Variants in CRYBG3 observed in about 807,000 individuals in gnomAD.
CRYBG3 encodes the protein crystallin beta-gamma domain containing 3, also known as very large A-kinase anchor protein.
Under a neutral mutation model 244.2 loss-of-function variants are expected in CRYBG3, and 127 were observed. The observed-to-expected ratio is 0.52, with a 90% CI of 0.45 to 0.60. The LOEUF is 0.60. Ranked by LOEUF, CRYBG3 falls within the 20% of genes least tolerant of loss-of-function variation. CRYBG3 has a pLI of 0.00. For synonymous variants in CRYBG3, 1,132 were observed against 1,195.8 expected, an observed-to-expected ratio of 0.95 and a Z score of 1.10; for missense variants, 3,325 against 3,442.5, an observed-to-expected ratio of 0.97 and a Z score of 0.85.
intron 2 of CRYBG3, among the ~76,000 whole-genome samples, chr3:97,858,413 T>C (rs1465620397): frequency 6.6e-6 from 1 of 152,074 alleles, no homozygotes; most frequent in East Asian, 1.9e-4. Flanking sequence ...GCTTCCTGGA[T>C]CTAGATGTCT....
intron 1 of CRYBG3, among the ~76,000 whole-genome samples, chr3:97,827,329 A>G (rs2038591591): frequency 6.6e-6 from 1 of 152,052 alleles, no homozygotes; most frequent in South Asian, 2.1e-4. Context: ...TAGGGGTGGT[A>G]CCCTCCCCAA....
Position 97,864,272 on chromosome 3 carries a change from T to C in CRYBG3, c.272T>C (p.Val91Ala). ...GCTGAGAAGCCAGTCACTCTTCCAG[T>C]GCAGGAAGATCCCAAAAAGGCATAT... ...NHAEKPVTLP[V>A]QEDPKKAYDL... The change falls in exon 3 of 22, where the codon GTG becomes GCG. Residue 91 changes from valine (V) to alanine (A), a missense_variant. Val to Ala is a moderately conservative substitution (Grantham distance 64). Coordinates refer to ENST00000389622, the MANE Select transcript of CRYBG3 (RefSeq NM_153605.4). 6.5e-7 allele frequency: 1 copy of C among 1,534,496 alleles called. No individual in the cohort carries two copies. Among genetic ancestry groups the C allele is most frequent in the Non-Finnish European group, 8.7e-7 (1 of 1,146,238 alleles).
In CRYBG3 at chr3:97,941,907, G is replaced by A. The variant is rs937026411; in HGVS notation, c.8665-377G>A. On this transcript the variant is annotated intron_variant, in intron 20 of 21. Transcript: ENST00000389622. Reference sequence around the variant, plus strand: ...TGAAAAACTTTTAAAAGTAATTATTGTCTGGATATCTTTAGCCCATCATGC... The same window carrying A: ...TGAAAAACTTTTAAAAGTAATTATTATCTGGATATCTTTAGCCCATCATGC... 7.4e-4 allele frequency: 117 copies of A among 158,138 alleles called. 3 individuals are homozygous for A. The highest frequency in any genetic ancestry group is 1.9e-4 in the Non-Finnish European group (14 of 72,530). 9.8% of individuals were successfully genotyped at this position (158,138 alleles called of 1,614,324 possible).
In CRYBG3 at chr3:97,875,949, T is replaced by C; in HGVS notation, c.4755T>C (p.Thr1585=). The C allele has an allele frequency of 8.1e-7, 1 of 1,232,042 alleles. No homozygotes were observed. The highest frequency in any genetic ancestry group is 1.5e-5 in the African/African-American group (1 of 64,524). 76.3% of individuals were successfully genotyped at this position (1,232,042 alleles called of 1,614,324 possible). ...ATGCTGAATTGAATGTCACGAAAAC[T>C]GAGCCAAAAGCTAATGTTTTTAAAA... ...KMDAELNVTK[T]EPKANVFKMG... Residue 1585 remains threonine, a synonymous_variant, in exon 4 of 22, where the codon ACT becomes ACC. Coordinates refer to ENST00000389622, the MANE Select transcript of CRYBG3 (RefSeq NM_153605.4).
chr3:97,880,566 A>G (rs573263115), intron 6 of CRYBG3, among the ~76,000 whole-genome samples: 1 of 152,326 alleles, frequency 6.6e-6, no homozygotes, highest in South Asian at 2.1e-4. Flanking sequence ...TCTATTTATT[A>G]TGGACCATGA....
chr3:97,830,763 T>G (rs1442976113), intron 1 of CRYBG3, among the ~76,000 whole-genome samples: 1 of 152,004 alleles, frequency 6.6e-6, no homozygotes, highest in Non-Finnish European at 1.5e-5. Flanking sequence ...CAGTGTAGAC[T>G]CTACAAATGC....
intron 3 of CRYBG3, among the ~76,000 whole-genome samples, chr3:97,871,096 C>G (rs2039296774): frequency 6.6e-6 from 1 of 152,132 alleles, no homozygotes; most frequent in African/African-American, 2.4e-5. Flanking sequence ...GATGTGAGAA[C>G]TCGTAGTGGT....
intron 10 of CRYBG3, among the ~76,000 whole-genome samples, chr3:97,891,087 A>G (rs1272481226): frequency 6.6e-6 from 1 of 152,154 alleles, no homozygotes; most frequent in Non-Finnish European, 1.5e-5. Flanking sequence ...AATGAATAGT[A>G]GGCCATAGAA....
chr3:97,933,546 G>A (rs760078138), intron 17 of CRYBG3, 148 bp from the exon 18 acceptor site: 3 of 801,554 alleles, frequency 3.7e-6, no homozygotes, highest in South Asian at 2.9e-5. Flanking sequence ...TCTTTCCAGT[G>A]CAGTTTTGAC....
In CRYBG3 at chr3:97,881,081, A is replaced by G. The variant is rs752282485; in HGVS notation, c.7014A>G (p.Leu2338=). The change falls in exon 7 of 22, where the codon TTA becomes TTG. Residue 2338 remains leucine, a synonymous_variant. Coordinates refer to ENST00000389622, the MANE Select transcript of CRYBG3 (RefSeq NM_153605.4). ...LIKVVRGCWI[L]YEKPHFRGQK... Reference sequence around the variant, plus strand: ...ATTTCTCTTTGTTTAGCTGGATTTTATATGAGAAACCACATTTCCGAGGTC... The same window carrying G: ...ATTTCTCTTTGTTTAGCTGGATTTTGTATGAGAAACCACATTTCCGAGGTC... 4 of 1,590,262 alleles carry G rather than the reference A, an allele frequency of 2.5e-6. No individual in the cohort carries two copies. Among genetic ancestry groups the G allele is most frequent in the East Asian group, 2.2e-5 (1 of 44,464 alleles).
At chr3:97,829,310 T>C (rs2038622413) in intron 1 of CRYBG3, among the ~76,000 whole-genome samples, 1 of 152,188 alleles carries the variant, frequency 6.6e-6, no homozygotes. Flanking sequence ...AGTGAGACTT[T>C]TCTATATTAT....
intron 3 of CRYBG3, among the ~76,000 whole-genome samples, chr3:97,865,034 A>C (rs2039208152): frequency 6.6e-6 from 1 of 152,162 alleles, no homozygotes. Flanking sequence ...TAAAGCCATT[A>C]AGAAAAGCAA....
intron 17 of CRYBG3, among the ~76,000 whole-genome samples, chr3:97,928,112 C>A (rs182670517): frequency 2.1e-3 from 324 of 152,026 alleles, no homozygotes; most frequent in Non-Finnish European, 3.8e-3. Flanking sequence ...ATATTCAGGG[C>A]AGCACTATTC....
At chr3:97,939,402 GT>G (rs138017958) in intron 19 of CRYBG3, among the ~76,000 whole-genome samples, 5,211 of 152,118 alleles carry the variant, frequency 0.034, 279 homozygotes, top group African/African-American at 0.12. Context: ...TGGTAAGGCT[GT>G]TGGTACTGCT....
intron 18 of CRYBG3, among the ~76,000 whole-genome samples, chr3:97,934,796 A>G: frequency 6.6e-6 from 1 of 152,128 alleles, no homozygotes; most frequent in East Asian, 1.9e-4. Context: ...ATTCCAATAT[A>G]TTATTTACCA....
At chr3:97,864,931 C>G (rs1403496044) in intron 3 of CRYBG3, among the ~76,000 whole-genome samples, 1 of 152,072 alleles carries the variant, frequency 6.6e-6, no homozygotes, top group Non-Finnish European at 1.5e-5. Flanking sequence ...TGTGTCAGGA[C>G]AGGCAATGTA....
At position 97,877,617 on chromosome 3, in the gene CRYBG3, T is replaced by C; in HGVS notation, c.6423T>C (p.Asp2141=). The change falls in exon 4 of 22, where the codon GAT becomes GAC. Residue 2141 remains aspartate (D), a synonymous_variant. Transcript: ENST00000389622. ...SERLKMNFDE[D]DREAADEEEE... is the part of the protein sequence containing the mutation. ...GTTTAAAGATGAATTTTGATGAAGA[T>C]GACAGAGAGGCAGCTGATGAGGAAG... The C allele has an allele frequency of 1.2e-6, 2 of 1,614,014 alleles. No homozygotes were observed. Among genetic ancestry groups the C allele is most frequent in the Admixed American group, 1.7e-5 (1 of 60,010 alleles).
intron 1 of CRYBG3, among the ~76,000 whole-genome samples, chr3:97,827,628 G>A (rs1427127800): frequency 1.3e-5 from 2 of 152,032 alleles, no homozygotes; most frequent in African/African-American, 4.8e-5. Context: ...CCTTTATTAA[G>A]GCCCTACCCT....
chr3:97,942,873 G>C (rs904006642), intron 21 of CRYBG3: 2 of 244,794 alleles, frequency 8.2e-6, no homozygotes, highest in African/African-American at 4.6e-5. Context: ...ATTCATGGCT[G>C]TTGCTTTAAT....
Sources: gnomAD v4.1 joint callset for allele counts (sites outside exome capture counted in the v4.1 genomes callset) on GRCh38, gnomAD v4.1.1 for gene constraint, MANE v1.5 for transcripts, NCBI Gene and HGNC (gene_info 2026-07-23, HGNC 2026-07-21) for gene names.